The following SGK1 variants were observed in gnomAD, a reference collection of about 807,000 sequenced individuals.
SGK1 encodes serine/threonine-protein kinase Sgk1.
SGK1 carries 26 observed loss-of-function variants against 64.2 expected under a neutral mutation model. The observed-to-expected ratio is 0.40, with a 90% CI of 0.30 to 0.56. The LOEUF (loss-of-function observed/expected upper bound fraction) is 0.56, where lower values mean the gene tolerates loss of function less well. Ranked by LOEUF, SGK1 falls within the 20% of genes least tolerant of loss-of-function variation. The probability of loss-of-function intolerance (pLI) is 0.38; values close to 1 mark genes in which losing one functional copy is unlikely to be tolerated. For synonymous variants in SGK1, 265 were observed against 239.7 expected (o/e 1.11, Z -0.98); for missense variants, 519 against 645.6 (o/e 0.80, Z 2.12).
rs182874628 is a variant in SGK1 at position 134,259,430 on chromosome 6, C to T, written c.285+2503G>A. 3.0e-4 allele frequency among the ~76,000 whole-genome samples: 46 copies of T among 151,322 alleles called. No individual in the cohort carries two copies. The South Asian group carries it at 6.9e-3, about 23-fold the overall frequency. On this transcript the variant is annotated intron_variant, in intron 2 of 13. Coordinates refer to ENST00000367858, the MANE Select transcript of SGK1 (RefSeq NM_001143676.3). Reference sequence around the variant, plus strand: ...TGAGGCAGGCAGATCACTTGAGGTCCGGAGTTCAAGACCAGCCTGGCCAAC... The same window carrying T: ...TGAGGCAGGCAGATCACTTGAGGTCTGGAGTTCAAGACCAGCCTGGCCAAC...
intron 3 of SGK1, chr6:134,175,992 A>G (rs1047085774): frequency 4.9e-5 from 53 of 1,077,986 alleles, no homozygotes; most frequent in Non-Finnish European, 5.7e-5. Flanking sequence ...TACAATCTGC[A>G]TTTCACTTTT....
intron 2 of SGK1, among the ~76,000 whole-genome samples, chr6:134,242,832 G>A (rs867381198): frequency 7.2e-5 from 11 of 152,136 alleles, no homozygotes; most frequent in Middle Eastern, 3.4e-3. Context: ...CTGACAATCT[G>A]AATAGATATT....
At position 134,290,247 on chromosome 6, in the gene SGK1, G is replaced by A. The variant is rs149702647; in HGVS notation, c.69+27145C>T. ...GCTGAGGTGGGAGGATTGTTTGAGCGCAGGAGTTCGAGGCTGCACTGAGCT... is the reference window on the plus strand; with the variant it reads ...GCTGAGGTGGGAGGATTGTTTGAGCACAGGAGTTCGAGGCTGCACTGAGCT... On this transcript the variant is annotated intron_variant, in intron 1 of 13. Coordinates refer to ENST00000367858, the MANE Select transcript of SGK1 (RefSeq NM_001143676.3). 4.4e-3 allele frequency among the ~76,000 whole-genome samples: 670 copies of A among 150,926 alleles called. 10 individuals carry two copies. Among genetic ancestry groups the A allele is most frequent in the African/African-American group, 0.015 (632 of 41,146 alleles).
Position 134,317,550 on chromosome 6 carries a change from C to G in SGK1, c.-90G>C. 1 of 824,418 alleles carries G rather than the reference C, an allele frequency of 1.2e-6. No homozygotes were observed. Among genetic ancestry groups the G allele is most frequent in the South Asian group, 1.3e-5 (1 of 74,354 alleles). 51.1% of individuals were successfully genotyped at this position (824,418 alleles called of 1,614,324 possible). On this transcript the variant is annotated 5_prime_UTR_variant, in exon 1 of 14. Coordinates refer to ENST00000367858, the MANE Select transcript of SGK1 (RefSeq NM_001143676.3). ...GTTTCCCCGGTTTACCTCCTGCAGA[C>G]AGTTAATGAAGACTGAGCGGGATGG... is the stretch of plus-strand genomic sequence containing the variant.
intron 8 of SGK1, 71 bp from the exon 9 acceptor site, chr6:134,172,845 G>C (rs1236266501): frequency 7.8e-7 from 1 of 1,283,088 alleles, no homozygotes; most frequent in Non-Finnish European, 1.1e-6. Context: ...CACAGCAAAA[G>C]AACAACTGCA....
intron 3 of SGK1, among the ~76,000 whole-genome samples, chr6:134,198,452 T>A (rs1775629174): frequency 6.6e-6 from 1 of 152,228 alleles, no homozygotes. Context: ...TTTCTAGCTA[T>A]AAATATGAGT....
At chr6:134,298,189 C>A in intron 1 of SGK1, 1 of 1,473,038 alleles carries the variant, frequency 6.8e-7, no homozygotes. Context: ...CCTCACCAGC[C>A]CCTGCATGTT....
chr6:134,298,186 A>T, intron 1 of SGK1: 1 of 1,460,298 alleles, frequency 6.8e-7, no homozygotes, highest in Non-Finnish European at 9.5e-7. Context: ...CATCCTCACC[A>T]GCCCCTGCAT....
Position 134,173,955 on chromosome 6 carries a change from CTG to C in SGK1, c.513+48_513+49del, listed in dbSNP as rs756601409. 6.3e-6 allele frequency: 8 copies of C among 1,272,566 alleles called. No individual in the cohort carries two copies. The South Asian group carries it at 9.9e-5, about 16-fold the overall frequency. 78.8% of individuals were successfully genotyped at this position (1,272,566 alleles called of 1,614,324 possible). A position where few individuals can be genotyped will look rare whatever the true frequency, so the allele number is the denominator to read the frequency against. ...TAATCCATTAATGTAGGAATACTAA[CTG>C]ACTCCCTTACAGTTCTCCACAGATG... On this transcript the variant is annotated intron_variant, in intron 5 of 13. Transcript: ENST00000367858.
At chr6:134,242,633 A>T (rs975465571) in intron 2 of SGK1, among the ~76,000 whole-genome samples, 30 of 145,864 alleles carry the variant, frequency 2.1e-4, no homozygotes, top group Admixed American at 3.4e-4. Flanking sequence ...TTTAAATTTA[A>T]TTTTTTTTTT....
At chr6:134,244,623 G>C (rs1381252055) in intron 2 of SGK1, among the ~76,000 whole-genome samples, 2 of 152,068 alleles carry the variant, frequency 1.3e-5, no homozygotes, top group Admixed American at 6.6e-5. Flanking sequence ...ACCTGCTTCT[G>C]CTCGCCCTCC....
chr6:134,262,016 A>ATGTT lies in SGK1; in HGVS notation c.198_201dup (p.Cys68AsnfsTer5), dbSNP rs750588281. On this transcript the variant is annotated frameshift_variant, in exon 2 of 14. Coordinates refer to ENST00000367858, the MANE Select transcript of SGK1 (RefSeq NM_001143676.3). LOFTEE classifies it high-confidence loss of function. The stretch of plus-strand genomic sequence containing the variant: ...CTTTGGAAAGCATGTTCACCCAGGC[A>ATGTT]TGTTTGACACAAGGAAGACTCGAAG... 1 of 1,613,934 alleles carries ATGTT rather than the reference A, an allele frequency of 6.2e-7. No homozygotes were observed. The highest frequency in any genetic ancestry group is 1.3e-5 in the African/African-American group (1 of 75,044).
chr6:134,294,693 C>G (rs1032784120), intron 1 of SGK1, among the ~76,000 whole-genome samples: 9 of 152,160 alleles, frequency 5.9e-5, no homozygotes, highest in Admixed American at 1.3e-4. Flanking sequence ...CACCACCCCC[C>G]CAACCAGCTA....
At chr6:134,303,819 A>C (rs1777494954) in intron 1 of SGK1, among the ~76,000 whole-genome samples, 1 of 144,814 alleles carries the variant, frequency 6.9e-6, no homozygotes. Context: ...GAAAAGAAAG[A>C]AACTTTGACA....
At chr6:134,314,749 A>C (rs1478157489) in intron 1 of SGK1, among the ~76,000 whole-genome samples, 1 of 151,880 alleles carries the variant, frequency 6.6e-6, no homozygotes, top group African/African-American at 2.4e-5. Flanking sequence ...AGCCTCCTGC[A>C]ATCAAAAATC....
At chr6:134,183,730 T>G (rs1049105793) in intron 3 of SGK1, among the ~76,000 whole-genome samples, 2 of 152,046 alleles carry the variant, frequency 1.3e-5, no homozygotes, top group East Asian at 3.9e-4. Context: ...AGTTCTATGA[T>G]GTCTGGGAAA....
intron 1 of SGK1, among the ~76,000 whole-genome samples, chr6:134,287,641 G>A (rs9493884): frequency 0.12 from 17,487 of 151,414 alleles, 1,191 homozygotes; most frequent in East Asian, 0.24. Flanking sequence ...TATAGGTTGT[G>A]TATAATAGTA....
chr6:134,187,511 A>G (rs1775443823), intron 3 of SGK1, among the ~76,000 whole-genome samples: 1 of 152,188 alleles, frequency 6.6e-6, no homozygotes, highest in Non-Finnish European at 1.5e-5. Flanking sequence ...TTCAGAGCAT[A>G]TACAACTTTC....
intron 3 of SGK1, among the ~76,000 whole-genome samples, chr6:134,180,040 ACCT>A (rs1421334214): frequency 6.6e-6 from 1 of 152,048 alleles, no homozygotes; most frequent in Non-Finnish European, 1.5e-5. Context: ...TGCAGCCTCA[ACCT>A]CCTGGGTTCA....
Sources: gnomAD v4.1 joint callset for allele counts (sites outside exome capture counted in the v4.1 genomes callset) on GRCh38, gnomAD v4.1.1 for gene constraint, MANE v1.5 for transcripts, NCBI Gene and HGNC (gene_info 2026-07-23, HGNC 2026-07-21) for gene names.